DDR2: variants seen among roughly 807,000 people sequenced by gnomAD.
DDR2 encodes discoidin domain-containing receptor 2.
In DDR2, 27 loss-of-function variants were observed where a neutral mutation model predicts 94.9. That is an observed-to-expected ratio of 0.28 (90% CI 0.21 to 0.39). The LOEUF is 0.39. Ranked by LOEUF, DDR2 falls within the 10% of genes least tolerant of loss-of-function variation. DDR2 has a pLI of 1.00. For missense variants in DDR2, 783 were observed against 1,076.0 expected (o/e 0.73, Z 3.81); for synonymous variants, 382 against 377.2 (o/e 1.01, Z -0.15).
chr1:162,659,293 A>C (rs909345613), intron 2 of DDR2, among the ~76,000 whole-genome samples: 2 of 152,190 alleles, frequency 1.3e-5, no homozygotes, highest in Non-Finnish European at 2.9e-5. Context: ...ATGTTCAAGG[A>C]ACACATGCTT....
Position 162,781,355 on chromosome 1 carries a change from C to T in DDR2, c.*1109C>T, listed in dbSNP as rs1647897486. ...GTCCCCAAAAAAGTTGTCCTAGGAA[C>T]TGATGTGGAGAAGTTACAGGGAGAC... On this transcript the variant is annotated 3_prime_UTR_variant, in exon 18 of 18. Coordinates refer to ENST00000367921, the MANE Select transcript of DDR2 (RefSeq NM_006182.4). The T allele has an allele frequency of 1.3e-5, 2 of 152,118 alleles. No individual in the cohort carries two copies. Among genetic ancestry groups the T allele is most frequent in the Non-Finnish European group, 1.5e-5 (1 of 68,038 alleles). 9.4% of individuals were successfully genotyped at this position (152,118 alleles called of 1,614,324 possible).
At chr1:162,658,503 CAG>C (rs368908042) in intron 2 of DDR2, among the ~76,000 whole-genome samples, 28 of 149,652 alleles carry the variant, frequency 1.9e-4, no homozygotes, top group Admixed American at 3.3e-4. Context: ...GTCCCTCCAC[CAG>C]AGAGAGAGAG....
chr1:162,741,722 G>T, intron 3 of DDR2: 1 of 985,402 alleles, frequency 1.0e-6, no homozygotes, highest in African/African-American at 1.7e-5. Flanking sequence ...GGTAAGTGAA[G>T]TTCTACATTA....
intron 2 of DDR2, among the ~76,000 whole-genome samples, chr1:162,666,764 A>G (rs1658592901): frequency 6.6e-6 from 1 of 152,098 alleles, no homozygotes; most frequent in Non-Finnish European, 1.5e-5. Context: ...CCACTTAAGA[A>G]TTATATAAAA....
chr1:162,778,269 C>T (rs1647700302), intron 16 of DDR2, among the ~76,000 whole-genome samples: 1 of 152,146 alleles, frequency 6.6e-6, no homozygotes, highest in Admixed American at 6.6e-5. Context: ...TCAGATTTTG[C>T]CTTTCTCAGG....
intron 6 of DDR2, 22 bp from the exon 7 acceptor site, chr1:162,755,642 C>T (rs1160069954): frequency 1.2e-5 from 20 of 1,610,492 alleles, no homozygotes; most frequent in Non-Finnish European, 1.7e-5. Flanking sequence ...TAGGCACTCA[C>T]TTGGCTGTGT....
At chr1:162,757,512 A>T (rs145823835) in intron 7 of DDR2, among the ~76,000 whole-genome samples, 1 of 152,348 alleles carries the variant, frequency 6.6e-6, no homozygotes, top group Non-Finnish European at 1.5e-5. Context: ...GAAGCAAAAC[A>T]AAGCAGATTA....
rs573437266 is a variant in DDR2 at position 162,778,845 on chromosome 1, G to C, written c.2433+116G>C. 3 of 1,368,480 alleles carry C rather than the reference G, an allele frequency of 2.2e-6. No homozygotes were observed. The African/African-American group carries it at 4.3e-5, about 20-fold the overall frequency. 84.8% of individuals were successfully genotyped at this position (1,368,480 alleles called of 1,614,324 possible). Reference sequence around the variant, plus strand: ...TGGAAGACAGACTATCCAGGTGTTAGTCTTTGTCACTAACTATCCAGATGA... The same window carrying C: ...TGGAAGACAGACTATCCAGGTGTTACTCTTTGTCACTAACTATCCAGATGA... On this transcript the variant is annotated intron_variant, in intron 17 of 17. Coordinates refer to ENST00000367921, the MANE Select transcript of DDR2 (RefSeq NM_006182.4).
intron 3 of DDR2, among the ~76,000 whole-genome samples, chr1:162,743,263 A>T (rs1571275517): frequency 6.6e-6 from 1 of 151,944 alleles, no homozygotes; most frequent in South Asian, 2.1e-4. Flanking sequence ...TCAGTTCTTC[A>T]TGGTTGTAGT....
chr1:162,711,394 G>A (rs1211250567), intron 2 of DDR2, among the ~76,000 whole-genome samples: 1 of 152,182 alleles, frequency 6.6e-6, no homozygotes, highest in African/African-American at 2.4e-5. Context: ...GAATCCTTTT[G>A]CGAAGAACTA....
chr1:162,741,257 T>TATAATATA (rs1558057581), intron 3 of DDR2, among the ~76,000 whole-genome samples: 42 of 117,264 alleles, frequency 3.6e-4, no homozygotes, highest in African/African-American at 1.2e-3. Context: ...TATAATGTAA[T>TATAATATA]GTAATGTAAT....
At chr1:162,726,977 A>G (rs1661702183) in intron 3 of DDR2, among the ~76,000 whole-genome samples, 1 of 150,890 alleles carries the variant, frequency 6.6e-6, no homozygotes, top group African/African-American at 2.4e-5. Context: ...TAAGAAACAT[A>G]GATTGATACA....
At chr1:162,675,692 G>A (rs1313309520) in intron 2 of DDR2, among the ~76,000 whole-genome samples, 2 of 152,218 alleles carry the variant, frequency 1.3e-5, no homozygotes, top group Non-Finnish European at 2.9e-5. Flanking sequence ...TGTGTATCAT[G>A]CTAGGATCAG....
intron 3 of DDR2, among the ~76,000 whole-genome samples, chr1:162,745,863 T>C (rs1662832734): frequency 6.6e-6 from 1 of 152,244 alleles, no homozygotes. Context: ...CTGTAACAAA[T>C]GTCACTGAGA....
Position 162,783,839 on chromosome 1 carries a change from A to G in DDR2, c.*3593A>G, listed in dbSNP as rs565875395. 1.3e-5 allele frequency: 2 copies of G among 152,266 alleles called. No homozygotes were observed. Among genetic ancestry groups the G allele is most frequent in the East Asian group, 3.9e-4 (2 of 5,186 alleles). 9.4% of individuals were successfully genotyped at this position (152,266 alleles called of 1,614,324 possible). ...GGTGTGAGCATCAGGTATATTCTGGACCATTTCAAGTGCTGGTGAGAAGAA... is the reference window on the plus strand; with the variant it reads ...GGTGTGAGCATCAGGTATATTCTGGGCCATTTCAAGTGCTGGTGAGAAGAA... On this transcript the variant is annotated 3_prime_UTR_variant, in exon 18 of 18. Transcript: ENST00000367921.
intron 2 of DDR2, among the ~76,000 whole-genome samples, chr1:162,667,210 A>G (rs1658626144): frequency 6.6e-6 from 1 of 152,180 alleles, no homozygotes; most frequent in Non-Finnish European, 1.5e-5. Flanking sequence ...GTACATCTAT[A>G]TCTGTAAGCT....
intron 9 of DDR2, among the ~76,000 whole-genome samples, chr1:162,764,915 G>A (rs1054109007): frequency 2.0e-5 from 3 of 152,002 alleles, no homozygotes; most frequent in Non-Finnish European, 4.4e-5. Flanking sequence ...TTTCAAGATG[G>A]TTTGCTTATT....
At chr1:162,770,627 T>C (rs887859522) in intron 12 of DDR2, 115 bp downstream of exon 12, 13 of 1,034,220 alleles carry the variant, frequency 1.3e-5, no homozygotes, top group Non-Finnish European at 1.6e-5. Flanking sequence ...GCTAACCTCC[T>C]GAGAAGTCCA....
intron 6 of DDR2, 99 bp from the exon 7 acceptor site, chr1:162,755,565 T>C (rs948565971): frequency 4.1e-6 from 5 of 1,223,440 alleles, no homozygotes; most frequent in Middle Eastern, 4.6e-4. Context: ...GGAGTCCTGC[T>C]GGACACGCTG....
Sources: allele counts gnomAD v4.1 joint callset (sites outside exome capture counted in the v4.1 genomes callset), GRCh38; gene constraint gnomAD v4.1.1; transcripts MANE v1.5; gene names NCBI Gene and HGNC (gene_info 2026-07-23, HGNC 2026-07-21).